ZNF516: variants seen among roughly 807,000 people sequenced by gnomAD.
ZNF516 encodes zinc finger protein 516.
A neutral mutation model predicts 79.7 loss-of-function variants in ZNF516; 19 were observed. That is an observed-to-expected ratio of 0.24 (90% CI 0.17 to 0.35). ZNF516 has a LOEUF of 0.35. Ranked by LOEUF, ZNF516 falls within the 10% of genes least tolerant of loss-of-function variation. The pLI is 1.00. For missense variants in ZNF516, 1,678 were observed against 1,679.5 expected (o/e 1.00, Z 0.02); for synonymous variants, 877 against 739.5 (o/e 1.19, Z -3.02).
intron 1 of ZNF516, among the ~76,000 whole-genome samples, chr18:76,491,416 C>T (rs1181428879): frequency 2.8e-5 from 4 of 142,306 alleles, no homozygotes; most frequent in African/African-American, 1.0e-4. Context: ...CCGCCCGCCC[C>T]GCCCGCCCCC....
In ZNF516 at chr18:76,379,800, G is replaced by T; in HGVS notation, c.2314C>A (p.Pro772Thr). The T allele has an allele frequency of 6.2e-7, 1 of 1,613,852 alleles. No individual in the cohort carries two copies. The highest frequency in any genetic ancestry group is 8.5e-7 in the Non-Finnish European group (1 of 1,179,834). Residue 772 changes from proline (P) to threonine (T), a missense_variant, in exon 4 of 7, where the codon CCC becomes ACC. By Grantham distance (38) the Pro-to-Thr change is conservative. Coordinates refer to ENST00000443185, the MANE Select transcript of ZNF516 (RefSeq NM_014643.4). ...CPYCSHKTYY[P>T]EVLWMHKRIW... is the part of the protein sequence containing the mutation. ...CGTTTGTGCATCCACAGGACCTCGG[G>T]GTAGTAGGTCTTGTGGCTGCAGTAA...
chr18:76,373,676 C>T lies in ZNF516; in HGVS notation c.3260-2105G>A, dbSNP rs565588784. Among the ~76,000 whole-genome samples the T allele has an allele frequency of 2.0e-5, 3 of 152,380 alleles. No homozygotes were observed. The East Asian group carries it at 5.8e-4, about 29-fold the overall frequency. On this transcript the variant is annotated intron_variant, in intron 4 of 6. Transcript: ENST00000443185. ...AAACATGGATAGCCCTCCCACTCAT[C>T]CGTGCTTATTTCCTTGAAGTAAGGG... is the stretch of plus-strand genomic sequence containing the variant.
In ZNF516 at chr18:76,378,996, G is replaced by A. The variant is rs2074837334; in HGVS notation, c.3118C>T (p.His1040Tyr). 1.2e-6 allele frequency: 2 copies of A among 1,613,032 alleles called. No individual in the cohort carries two copies. The highest frequency in any genetic ancestry group is 1.1e-5 in the South Asian group (1 of 91,084). Reference sequence around the variant, plus strand: ...GCCACCGGCTCCTGTTTGATGGAGTGTAGGACGGGGGGCGCCCCAGCCACG... The same window carrying A: ...GCCACCGGCTCCTGTTTGATGGAGTATAGGACGGGGGGCGCCCCAGCCACG... The part of the protein sequence containing the change: ...PGVAGAPPVL[H>Y]SIKQEPVAEG... Residue 1040 changes from histidine (H) to tyrosine (Y), a missense_variant, in exon 4 of 7, where the codon CAC becomes TAC. Transcript: ENST00000443185.
intron 3 of ZNF516, among the ~76,000 whole-genome samples, chr18:76,401,568 G>A (rs1348235432): frequency 6.6e-6 from 1 of 151,972 alleles, no homozygotes; most frequent in Non-Finnish European, 1.5e-5. Context: ...GGGCTTCTCC[G>A]AGGCCATCTC....
At chr18:76,384,199 T>C (rs1411738019) in intron 3 of ZNF516, among the ~76,000 whole-genome samples, 1 of 152,072 alleles carries the variant, frequency 6.6e-6, no homozygotes, top group Non-Finnish European at 1.5e-5. Flanking sequence ...CCACTGGCAA[T>C]GAGAACTCCT....
chr18:76,381,997 T>C (rs2074900101), intron 3 of ZNF516, among the ~76,000 whole-genome samples: 1 of 152,038 alleles, frequency 6.6e-6, no homozygotes, highest in African/African-American at 2.4e-5. Context: ...CCAGGTGTAG[T>C]GGCACGCGCC....
At chr18:76,370,629 G>A (rs9676093) in intron 5 of ZNF516, 34 bp from the exon 6 acceptor site, 399,104 of 1,552,088 alleles carry the variant, frequency 0.26, 53,932 homozygotes, top group Non-Finnish European at 0.28. Context: ...ACAGATCAGC[G>A]TGTGAGCTTC....
Position 76,459,521 on chromosome 18 carries a change from C to T in ZNF516, c.-158+3507G>A, listed in dbSNP as rs866481233. Among the ~76,000 whole-genome samples the T allele has an allele frequency of 3.3e-5, 5 of 152,220 alleles. No individual in the cohort carries two copies. Among genetic ancestry groups the T allele is most frequent in the South Asian group, 2.1e-4 (1 of 4,830 alleles). On this transcript the variant is annotated intron_variant, in intron 2 of 6. Coordinates refer to ENST00000443185, the MANE Select transcript of ZNF516 (RefSeq NM_014643.4). The surrounding 1 kb of genome is among the most constrained non-coding windows in gnomAD (Gnocchi z 5.0). Reference sequence around the variant, plus strand: ...ATTCAGGACGTGGCGGCCGTGTGCACCCCATCGGGCACCGCGTCGCCTCCC... The same window carrying T: ...ATTCAGGACGTGGCGGCCGTGTGCATCCCATCGGGCACCGCGTCGCCTCCC...
chr18:76,495,080 CCCCGCGCCCACCGCCCG>C (rs1374199356), intron 1 of ZNF516, 47 bp downstream of exon 1: 1 of 148,816 alleles, frequency 6.7e-6, no homozygotes, highest in Admixed American at 6.6e-5. Context: ...GGGCTCCGGG[CCCCGCGCCCACCGCCCG>C]CCCGCGGCCC....
chr18:76,446,378 G>C (rs540254406), intron 2 of ZNF516, among the ~76,000 whole-genome samples: 1 of 152,186 alleles, frequency 6.6e-6, no homozygotes, highest in Non-Finnish European at 1.5e-5. Flanking sequence ...ACTCTCGCTC[G>C]TGGATCACCA....
chr18:76,428,015 G>A (rs1282951635), intron 3 of ZNF516, among the ~76,000 whole-genome samples: 1 of 152,202 alleles, frequency 6.6e-6, no homozygotes, highest in Non-Finnish European at 1.5e-5. Flanking sequence ...TGGACATGAG[G>A]ATTATTACAT....
rs369968397 is a variant in ZNF516 at position 76,491,057 on chromosome 18, G to A, written c.-272+4087C>T. ...AAATCCGCTCGCGGGCGCAGGACCG[G>A]TTCAGGTGTGAACACTTATGTAATC... On this transcript the variant is annotated intron_variant, in intron 1 of 6. Transcript: ENST00000443185. The A allele has an allele frequency of 3.2e-4, 316 of 985,366 alleles. 5 individuals carry two copies. In the East Asian group the frequency reaches 0.026, roughly 80 times the overall value. The allele number at this position is 985,366 out of a possible 1,614,324, so 61.0% of individuals were successfully genotyped here.
intron 3 of ZNF516, among the ~76,000 whole-genome samples, chr18:76,412,308 C>A (rs945201308): frequency 6.6e-6 from 1 of 152,100 alleles, no homozygotes; most frequent in African/African-American, 2.4e-5. Context: ...ACAGAGGGGA[C>A]GTACACGGCA....
At chr18:76,468,722 G>A (rs1898061931) in intron 1 of ZNF516, among the ~76,000 whole-genome samples, 1 of 152,100 alleles carries the variant, frequency 6.6e-6, no homozygotes, top group Non-Finnish European at 1.5e-5. Context: ...GCCCGGCCGT[G>A]TTAGCATCTT....
At chr18:76,373,092 T>G (rs605914) in intron 4 of ZNF516, among the ~76,000 whole-genome samples, 126,044 of 152,124 alleles carry the variant, frequency 0.83, 53,488 homozygotes, top group Non-Finnish European at 0.92. Context: ...CAAGGCTGCA[T>G]TGAGTTGAGA....
At chr18:76,455,036 G>C (rs1912635316) in intron 2 of ZNF516, among the ~76,000 whole-genome samples, 1 of 152,094 alleles carries the variant, frequency 6.6e-6, no homozygotes, top group Non-Finnish European at 1.5e-5. Context: ...TCCCCAAAGA[G>C]GACAGTTATC....
In ZNF516 at chr18:76,491,389, G is replaced by GC. The variant is rs1183610073; in HGVS notation, c.-272+3754dup. ...CTCTCCTCCTCCGGGCCTCGCTCCC[G>GC]CCCCCGCCGGCTCCCCCCGCCCGCC... On this transcript the variant is annotated intron_variant, in intron 1 of 6. Transcript: ENST00000443185. 7.3e-5 allele frequency among the ~76,000 whole-genome samples: 8 copies of GC among 109,982 alleles called. No individual in the cohort carries two copies. In the East Asian group the frequency reaches 2.2e-3, roughly 30 times the overall value. 72.2% of individuals were successfully genotyped at this position (109,982 alleles called of 152,430 possible).
At chr18:76,423,482 C>A (rs1568278661) in intron 3 of ZNF516, among the ~76,000 whole-genome samples, 1 of 149,750 alleles carries the variant, frequency 6.7e-6, no homozygotes, top group African/African-American at 2.5e-5. Flanking sequence ...AGGTTCCCCC[C>A]TGAAACACAC....
At chr18:76,450,523 AT>A (rs1171474470) in intron 2 of ZNF516, among the ~76,000 whole-genome samples, 1 of 152,168 alleles carries the variant, frequency 6.6e-6, no homozygotes, top group East Asian at 1.9e-4. Context: ...TCGCTTTCTG[AT>A]GTTTTAGAGG....
Sources: gnomAD v4.1 joint callset for allele counts (sites outside exome capture counted in the v4.1 genomes callset) on GRCh38, gnomAD v4.1.1 for gene constraint, Gnocchi (gnomAD v3.1) non-coding constraint, MANE v1.5 for transcripts, NCBI Gene and HGNC (gene_info 2026-07-23, HGNC 2026-07-21) for gene names.